ZNF219: variants seen among roughly 807,000 people sequenced by gnomAD.
ZNF219 encodes the protein zinc finger protein 219.
A neutral mutation model predicts 54.4 loss-of-function variants in ZNF219; 17 were observed. The observed-to-expected ratio is 0.31, with a 90% confidence interval of 0.21 to 0.47. ZNF219 has a LOEUF of 0.47. Among genes scored for constraint, ZNF219 ranks in the 20% least tolerant of loss-of-function variants. The pLI, the probability that ZNF219 is intolerant of heterozygous loss-of-function variation, is 1.00. For synonymous variants in ZNF219, 518 were observed against 476.4 expected (o/e 1.09, Z -1.14); for missense variants, 1,014 against 1,062.3 (o/e 0.95, Z 0.63).
chr14:21,092,425 C>T lies in ZNF219; in HGVS notation c.872G>A (p.Gly291Asp). The change falls in exon 3 of 5, where the codon GGC (glycine) becomes GAC (aspartate). Residue 291 changes from glycine to aspartate, a missense_variant. Transcript: ENST00000360947. Reference sequence around the variant, plus strand: ...GGAGGCCTTGTGCTTACGCATGTGGCCCTTGAGAAACCAAGACTGTGTAAA... The same window carrying T: ...GGAGGCCTTGTGCTTACGCATGTGGTCCTTGAGAAACCAAGACTGTGTAAA... ...QSFTQSWFLK[G>D]HMRKHKASFD... 6.4e-7 allele frequency: 1 copy of T among 1,564,820 alleles called. No homozygotes were observed. The highest frequency in any genetic ancestry group is 8.7e-7 in the Non-Finnish European group (1 of 1,154,898).
At chr14:21,104,543 C>G (rs1277655466) in exon 1 of ZNF219, 2 of 152,270 alleles carry the variant, frequency 1.3e-5, no homozygotes, top group Non-Finnish European at 2.9e-5. Context: ...GATGGCTGTT[C>G]GCCTCACACT....
Position 21,091,847 on chromosome 14 carries a change from C to G in ZNF219, c.1432+18G>C, listed in dbSNP as rs185810817. 6.7e-7 allele frequency: 1 copy of G among 1,498,984 alleles called. No individual in the cohort carries two copies. Among genetic ancestry groups the G allele is most frequent in the Non-Finnish European group, 8.9e-7 (1 of 1,129,742 alleles). 92.9% of individuals were successfully genotyped at this position (1,498,984 alleles called of 1,614,324 possible). ...AGGAGGACGCGGCGTACCCGGAGAG[C>G]GGAGGGTACCTACATACCCTGCGTG... On this transcript the variant is annotated intron_variant, in intron 3 of 4. Coordinates refer to ENST00000360947, the MANE Select transcript of ZNF219 (RefSeq NM_016423.3).
At position 21,092,494 on chromosome 14, in the gene ZNF219, G is replaced by A. The variant is rs1257039032; in HGVS notation, c.803C>T (p.Pro268Leu). Residue 268 changes from proline to leucine, a missense_variant, in exon 3 of 5, where the codon CCC becomes CTC. Around this residue, in one of 5 missense-constraint regions of ZNF219, gnomAD observed 395 missense variants for 415.1 expected, o/e 0.95. Transcript: ENST00000360947. The part of the protein sequence containing the change: ...PTPAPAAPEE[P>L]PAPPEFRCQV... ...GCAGCGGAACTCCGGAGGCGCTGGG[G>A]GCTCCTCGGGAGCGGCAGGAGCTGG... is the stretch of plus-strand genomic sequence containing the variant. The A allele has an allele frequency of 6.4e-6, 10 of 1,551,972 alleles. No individual in the cohort carries two copies. Among genetic ancestry groups the A allele is most frequent in the Non-Finnish European group, 8.7e-6 (10 of 1,147,746 alleles).
intron 2 of ZNF219, 90 bp from the exon 3 acceptor site, chr14:21,093,380 G>GAGGGCCAGA: frequency 6.7e-7 from 1 of 1,498,202 alleles, no homozygotes. Flanking sequence ...AGGACAACAC[G>GAGGGCCAGA]AGGGAAGGTG....
At chr14:21,102,308 G>A, upstream of ZNF219, 11 of 1,469,124 alleles carry the variant, frequency 7.5e-6, no homozygotes, top group South Asian at 1.0e-4. Flanking sequence ...AGGCTGAGAA[G>A]CAGAAGCTGA....
intron 3 of ZNF219, 130 bp downstream of exon 3, chr14:21,091,735 A>G (rs1213315582): frequency 2.1e-6 from 3 of 1,441,296 alleles, no homozygotes; most frequent in Non-Finnish European, 2.7e-6. Context: ...GGAAAACAAA[A>G]CAAAACAAAA....
chr14:21,092,134 T>C lies in ZNF219; in HGVS notation c.1163A>G (p.Glu388Gly), dbSNP rs369421056. ...AGCACCCTCGCCGTTGGGCCGGCCC[T>C]CGCCAGCTCGCAGGCTCAGGTAGCC... Reference protein sequence around the residue: ...LLGYLSLRAGEGRPNGEGAEP... With the variant: ...LLGYLSLRAGGGRPNGEGAEP... The change falls in exon 3 of 5, where the codon GAG (glutamate) becomes GGG (glycine). Residue 388 changes from glutamate to glycine, a missense_variant. By Grantham distance (98) the Glu-to-Gly change is moderately conservative (BLOSUM62 -2). This residue lies in a region of ZNF219 where 272 missense variants were observed against 248.9 expected (regional missense o/e 1.09). Coordinates refer to ENST00000360947, the MANE Select transcript of ZNF219 (RefSeq NM_016423.3). The C allele has an allele frequency of 1.1e-5, 17 of 1,498,528 alleles. No individual in the cohort carries two copies. The highest frequency in any genetic ancestry group is 1.0e-4 in the East Asian group (4 of 38,828). The allele number at this position is 1,498,528 out of a possible 1,614,324, so 92.8% of individuals were successfully genotyped here.
chr14:21,097,875 C>A (rs1022882409), intron 1 of ZNF219, among the ~76,000 whole-genome samples: 4 of 151,944 alleles, frequency 2.6e-5, no homozygotes, highest in African/African-American at 9.7e-5. Flanking sequence ...CCCCCTCCCC[C>A]ACCAGCCCTA....
At chr14:21,102,697 C>T, upstream of ZNF219, 2 of 1,551,598 alleles carry the variant, frequency 1.3e-6, no homozygotes, top group Non-Finnish European at 1.7e-6. Context: ...GTGCTGGTCT[C>T]AGTGCACGCC....
Position 21,092,195 on chromosome 14 carries a change from T to G in ZNF219, c.1102A>C (p.Thr368Pro), listed in dbSNP as rs1434160483. 8 of 1,434,480 alleles carry G rather than the reference T, an allele frequency of 5.6e-6. No individual in the cohort carries two copies. In the Admixed American group the frequency reaches 1.4e-4, roughly 26 times the overall value. 88.9% of individuals were successfully genotyped at this position (1,434,480 alleles called of 1,614,324 possible). ...GGGGGCTCACGGCGCTCGGCCGGGG[T>G]GGGAGCCGGGGCCAAGAGGAGCGCT... ...GPALLLAPAP[T>P]PAERREPPSL... Residue 368 changes from threonine (T) to proline (P), a missense_variant, in exon 3 of 5, where the codon ACC becomes CCC. Thr to Pro is a conservative substitution (Grantham distance 38). Coordinates refer to ENST00000360947, the MANE Select transcript of ZNF219 (RefSeq NM_016423.3).
At position 21,092,051 on chromosome 14, in the gene ZNF219, C is replaced by T. The variant is rs1888940177; in HGVS notation, c.1246G>A (p.Ala416Thr). The T allele has an allele frequency of 1.3e-6, 2 of 1,545,190 alleles. No homozygotes were observed. Among genetic ancestry groups the T allele is most frequent in the South Asian group, 2.4e-5 (2 of 83,552 alleles). The change falls in exon 3 of 5, where the codon GCC becomes ACC. Residue 416 changes from alanine to threonine, a missense_variant. Around this residue, in one of 5 missense-constraint regions of ZNF219, gnomAD observed 272 missense variants for 248.9 expected, o/e 1.09. Coordinates refer to ENST00000360947, the MANE Select transcript of ZNF219 (RefSeq NM_016423.3). Reference protein sequence around the residue: ...GFRPLSSALPARARRHRAEEP... With the variant: ...GFRPLSSALPTRARRHRAEEP... ...TCCGCACGGTGCCGGCGAGCCCGGG[C>T]CGGGAGAGCAGAGGACAGCGGGCGG...
Position 21,098,515 on chromosome 14 carries a change from C to G in ZNF219, c.-287G>C. 2 of 984,118 alleles carry G rather than the reference C, an allele frequency of 2.0e-6. No homozygotes were observed. Among genetic ancestry groups the G allele is most frequent in the Non-Finnish European group, 2.4e-6 (2 of 829,634 alleles). The allele number at this position is 984,118 out of a possible 1,614,324, so 61.0% of individuals were successfully genotyped here. On this transcript the variant is annotated 5_prime_UTR_variant, in exon 1 of 5. Coordinates refer to ENST00000360947, the MANE Select transcript of ZNF219 (RefSeq NM_016423.3). ...GCATTGTGTGCGGCGGGAGGCGGCCCGGCCATTAGCATGCGGGGGGCGGCG... is the reference window on the plus strand; with the variant it reads ...GCATTGTGTGCGGCGGGAGGCGGCCGGGCCATTAGCATGCGGGGGGCGGCG...
At chr14:21,095,297 G>C (rs1221737490) in intron 1 of ZNF219, among the ~76,000 whole-genome samples, 3 of 152,150 alleles carry the variant, frequency 2.0e-5, no homozygotes, top group Non-Finnish European at 4.4e-5. Flanking sequence ...CTTCAAATTA[G>C]GGCACCCACT....
intron 1 of ZNF219, chr14:21,093,888 C>A: frequency 1.9e-6 from 1 of 535,660 alleles, no homozygotes; most frequent in Non-Finnish European, 3.4e-6. Context: ...ATTTCTTCCC[C>A]AAATTCTATA....
rs985214789 is a variant in ZNF219 at position 21,094,681 on chromosome 14, A to T, written c.-83-1007T>A. Reference sequence around the variant, plus strand: ...CTAGGCCTGGGACTTGCAGAGCTCCAGTGCTGGGGAAGGAGAAGATCATTG... The same window carrying T: ...CTAGGCCTGGGACTTGCAGAGCTCCTGTGCTGGGGAAGGAGAAGATCATTG... On this transcript the variant is annotated intron_variant, in intron 1 of 4. Transcript: ENST00000360947. 3.5e-5 allele frequency: 5 copies of T among 141,804 alleles called. No individual in the cohort carries two copies. In the South Asian group the frequency reaches 5.9e-4, roughly 17 times the overall value. The allele number at this position is 141,804 out of a possible 1,614,324, so 8.8% of individuals were successfully genotyped here.
At position 21,092,595 on chromosome 14, in the gene ZNF219, AGGCTG is replaced by A; in HGVS notation, c.697_701del (p.Gln233SerfsTer21). 1 of 989,634 alleles carries A rather than the reference AGGCTG, an allele frequency of 1.0e-6. No individual in the cohort carries two copies. The highest frequency in any genetic ancestry group is 2.2e-5 in the South Asian group (1 of 45,110). The allele number at this position is 989,634 out of a possible 1,614,324, so 61.3% of individuals were successfully genotyped here. ...CTGATCTGGGTTCGGGCTGGGGTGG[AGGCTG>A]AGGCTGAGGCTGAGGCGGAGGCGCA... On this transcript the variant is annotated frameshift_variant, in exon 3 of 5. Transcript: ENST00000360947. LOFTEE classifies it high-confidence loss of function.
At chr14:21,101,342 C>A (rs1456964742), upstream of ZNF219, 1 of 1,551,350 alleles carries the variant, frequency 6.4e-7, no homozygotes, top group Admixed American at 2.0e-5. Flanking sequence ...GGCAAAGGAG[C>A]CATGGAAGAT....
chr14:21,091,967 T>A lies in ZNF219; in HGVS notation c.1330A>T (p.Arg444Trp). Residue 444 changes from arginine (R) to tryptophan (W), a missense_variant, in exon 3 of 5, where the codon AGG (arginine) becomes TGG (tryptophan). Around this residue, in one of 5 missense-constraint regions of ZNF219, gnomAD observed 272 missense variants for 248.9 expected, o/e 1.09. Coordinates refer to ENST00000360947, the MANE Select transcript of ZNF219 (RefSeq NM_016423.3). The stretch of plus-strand genomic sequence containing the variant: ...AGGGAAGCCAGAGAGCCCAGCGACC[T>A]GCCCCGGGCCCAGGTTTCCTCCTCG... ...EAEEETWARG[R>W]SLGSLASLHP... The A allele has an allele frequency of 6.3e-7, 1 of 1,580,402 alleles. No homozygotes were observed. Among genetic ancestry groups the A allele is most frequent in the East Asian group, 2.3e-5 (1 of 43,184 alleles).
upstream of ZNF219, among the ~76,000 whole-genome samples, chr14:21,100,612 TC>T (rs1029789374): frequency 3.3e-5 from 5 of 151,576 alleles, no homozygotes; most frequent in Non-Finnish European, 7.4e-5. Context: ...ATAAACAGGG[TC>T]CCCCCCATCC....
Sources: allele counts gnomAD v4.1 joint callset (sites outside exome capture counted in the v4.1 genomes callset), GRCh38; gene constraint gnomAD v4.1.1; regional missense constraint gnomAD v4.1.1; transcripts MANE v1.5; gene names NCBI Gene and HGNC (gene_info 2026-07-23, HGNC 2026-07-21).